ITPRID1: variants seen among roughly 807,000 people sequenced by gnomAD.
The protein encoded by ITPRID1 is ITPR interacting domain containing 1, also known as protein ITPRID1.
A neutral mutation model predicts 95.4 loss-of-function variants in ITPRID1; 96 were observed. The ratio of observed to expected loss-of-function variants is 1.01; its 90% CI spans 0.85 to 1.19. The LOEUF (loss-of-function observed/expected upper bound fraction) is 1.19. ITPRID1 is among the 50% of genes most tolerant of loss of function. The pLI is 0.00. For missense variants in ITPRID1, 1,339 were observed against 1,252.9 expected (o/e 1.07, Z -1.04); for synonymous variants, 510 against 453.6 (o/e 1.12, Z -1.58).
At chr7:31,586,322 C>T (rs1785604988) in intron 10 of ITPRID1, among the ~76,000 whole-genome samples, 2 of 148,636 alleles carry the variant, frequency 1.3e-5, no homozygotes. Flanking sequence ...GTCTTTATAG[C>T]AGCATGATTT....
intron 10 of ITPRID1, among the ~76,000 whole-genome samples, chr7:31,583,891 T>C (rs1003357390): frequency 1.3e-5 from 2 of 152,154 alleles, no homozygotes; most frequent in Admixed American, 1.3e-4. Context: ...AGTTTTTCCA[T>C]CTGAAATGAA....
chr7:31,656,488 A>G lies in ITPRID1; in HGVS notation c.*3659A>G, dbSNP rs1163647000. 2.0e-6 allele frequency: 2 copies of G among 982,460 alleles called. No homozygotes were observed. Among genetic ancestry groups the G allele is most frequent in the African/African-American group, 3.5e-5 (2 of 57,018 alleles). The allele number at this position is 982,460 out of a possible 1,614,324, so 60.9% of individuals were successfully genotyped here. On this transcript the variant is annotated 3_prime_UTR_variant, in exon 15 of 15. Coordinates refer to ENST00000615280, the MANE Select transcript of ITPRID1 (RefSeq NM_001257967.3). ...TACAAGTGCACATACCAAGAACTCAATAAATGCTAACTGTAATTACTGTCT... is the reference window on the plus strand; with the variant it reads ...TACAAGTGCACATACCAAGAACTCAGTAAATGCTAACTGTAATTACTGTCT...
chr7:31,651,916 T>C (rs186120510), intron 13 of ITPRID1, 23 bp from the exon 14 acceptor site: 1 of 1,533,092 alleles, frequency 6.5e-7, no homozygotes, highest in Admixed American at 1.9e-5. Context: ...TAAATTTGGT[T>C]ATTTTCTATT....
Position 31,656,011 on chromosome 7 carries a change from C to G in ITPRID1, c.*3182C>G. 1 of 985,000 alleles carries G rather than the reference C, an allele frequency of 1.0e-6. No homozygotes were observed. Among genetic ancestry groups the G allele is most frequent in the South Asian group, 4.7e-5 (1 of 21,274 alleles). The allele number at this position is 985,000 out of a possible 1,614,324, so 61.0% of individuals were successfully genotyped here. On this transcript the variant is annotated 3_prime_UTR_variant, in exon 15 of 15. Coordinates refer to ENST00000615280, the MANE Select transcript of ITPRID1 (RefSeq NM_001257967.3). ...CTGTGTTCCTGCTTCCTCTCCTTTG[C>G]TGAAACAAATGAAGTATCTCACCAG...
chr7:31,605,666 G>A (rs1786590828), intron 10 of ITPRID1, among the ~76,000 whole-genome samples: 1 of 152,204 alleles, frequency 6.6e-6, no homozygotes, highest in African/African-American at 2.4e-5. Flanking sequence ...GATAGAAGAG[G>A]CTTTGGGTAT....
intron 1 of ITPRID1, among the ~76,000 whole-genome samples, chr7:31,519,174 A>T (rs890865724): frequency 6.6e-6 from 1 of 152,176 alleles, no homozygotes; most frequent in African/African-American, 2.4e-5. Context: ...ATGCAAAATG[A>T]GATATTTCTT....
intron 10 of ITPRID1, among the ~76,000 whole-genome samples, chr7:31,628,606 C>T (rs960762995): frequency 2.6e-5 from 4 of 151,966 alleles, no homozygotes; most frequent in East Asian, 3.9e-4. Context: ...TACAGGCGCC[C>T]GCCACCACGC....
intron 1 of ITPRID1, among the ~76,000 whole-genome samples, chr7:31,547,546 C>G (rs1784139732): frequency 6.6e-6 from 1 of 152,088 alleles, no homozygotes; most frequent in African/African-American, 2.4e-5. Flanking sequence ...CTCCATGATC[C>G]AATAACCTCC....
chr7:31,620,319 T>G (rs1252825331), intron 10 of ITPRID1, among the ~76,000 whole-genome samples: 3 of 151,754 alleles, frequency 2.0e-5, no homozygotes, highest in African/African-American at 7.2e-5. Flanking sequence ...AGTGGGTCCC[T>G]GACCCCTGAC....
chr7:31,553,244 TG>T, intron 3 of ITPRID1, 57 bp downstream of exon 3: 1 of 1,475,614 alleles, frequency 6.8e-7, no homozygotes, highest in Non-Finnish European at 9.0e-7. Context: ...GTGAGGGATG[TG>T]GGAGCTTTTG....
At chr7:31,621,055 G>GA (rs1338444804) in intron 10 of ITPRID1, among the ~76,000 whole-genome samples, 3 of 151,582 alleles carry the variant, frequency 2.0e-5, no homozygotes, top group Non-Finnish European at 4.4e-5. Context: ...GAAGTTTAGA[G>GA]AAAAAAGAAT....
In ITPRID1 at chr7:31,642,829, A is replaced by C. The variant is rs751412737; in HGVS notation, c.1459A>C (p.Ser487Arg). The C allele has an allele frequency of 6.2e-7, 1 of 1,613,872 alleles. No individual in the cohort carries two copies. The highest frequency in any genetic ancestry group is 8.5e-7 in the Non-Finnish European group (1 of 1,179,812). Residue 487 changes from serine to arginine, a missense_variant, in exon 12 of 15, where the codon AGC becomes CGC. Transcript: ENST00000615280. ...AAGTAGGGCGAGCATGTCTTTTTCA[A>C]GCCAAGAAGCGAATGCCTTGGAACA... ...SKSRASMSFSSQEANALEQRA... is the reference protein window; with the variant it reads ...SKSRASMSFSRQEANALEQRA...
chr7:31,641,631 C>A (rs38393), intron 10 of ITPRID1, among the ~76,000 whole-genome samples: 2 of 152,078 alleles, frequency 1.3e-5, no homozygotes, highest in African/African-American at 4.8e-5. Context: ...CCTGCCCACA[C>A]GTGACTTTGC....
Position 31,628,889 on chromosome 7 carries a change from G to A in ITPRID1, c.1229-13287G>A, listed in dbSNP as rs184404513. On this transcript the variant is annotated intron_variant, in intron 10 of 14. Coordinates refer to ENST00000615280, the MANE Select transcript of ITPRID1 (RefSeq NM_001257967.3). Reference sequence around the variant, plus strand: ...TGATGTAATCCCTGCCAATCAACCAGTGGACTCAACAAGGACAATGTTTCC... The same window carrying A: ...TGATGTAATCCCTGCCAATCAACCAATGGACTCAACAAGGACAATGTTTCC... Among the ~76,000 whole-genome samples the A allele has an allele frequency of 8.5e-4, 130 of 152,244 alleles. No individual in the cohort carries two copies. The Middle Eastern group carries it at 0.01, about 12-fold the overall frequency.
At chr7:31,627,677 A>AAAAAAAC in intron 10 of ITPRID1, among the ~76,000 whole-genome samples, 1 of 151,426 alleles carries the variant, frequency 6.6e-6, no homozygotes. Flanking sequence ...AAAAAAAAAA[A>AAAAAAAC]AAAAAATTCA....
intron 1 of ITPRID1, among the ~76,000 whole-genome samples, chr7:31,519,645 T>A (rs9918646): frequency 0.028 from 3,266 of 114,632 alleles, 204 homozygotes; most frequent in African/African-American, 0.092. Context: ...TATATATATA[T>A]AAATCTTATG....
At chr7:31,551,456 G>T (rs1784283103) in intron 2 of ITPRID1, among the ~76,000 whole-genome samples, 1 of 143,694 alleles carries the variant, frequency 7.0e-6, no homozygotes, top group South Asian at 2.3e-4. Context: ...GCTACCAGCA[G>T]ATATTCCTAA....
intron 7 of ITPRID1, among the ~76,000 whole-genome samples, chr7:31,573,407 A>G (rs1045325514): frequency 1.3e-5 from 2 of 152,122 alleles, no homozygotes; most frequent in African/African-American, 4.8e-5. Context: ...TAATTAAAGA[A>G]AAAAAAGAAA....
At chr7:31,622,836 A>T (rs1381431084) in intron 10 of ITPRID1, among the ~76,000 whole-genome samples, 1 of 152,164 alleles carries the variant, frequency 6.6e-6, no homozygotes, top group Non-Finnish European at 1.5e-5. Context: ...TTTTGAAATG[A>T]TCAACAAAAT....
Sources: gnomAD v4.1 joint callset for allele counts (sites outside exome capture counted in the v4.1 genomes callset) on GRCh38, gnomAD v4.1.1 for gene constraint, MANE v1.5 for transcripts, NCBI Gene and HGNC (gene_info 2026-07-23, HGNC 2026-07-21) for gene names.